The following YJU2B variants were observed in gnomAD, a reference collection of about 807,000 sequenced individuals.
YJU2B encodes probable splicing factor YJU2B.
A neutral mutation model predicts 38.0 loss-of-function variants in YJU2B; 18 were observed. The ratio of observed to expected loss-of-function variants is 0.47; its 90% CI spans 0.33 to 0.70. The LOEUF is 0.70. Ranked by LOEUF, YJU2B falls within the 30% of genes least tolerant of loss-of-function variation. The pLI, the probability that YJU2B is intolerant of heterozygous loss-of-function variation, is 0.02. For missense variants in YJU2B, 538 were observed against 556.3 expected (o/e 0.97, Z 0.33); for synonymous variants, 246 against 225.4 (o/e 1.09, Z -0.82).
At chr19:13,738,829 G>T (rs1244641269) in intron 2 of YJU2B, among the ~76,000 whole-genome samples, 1 of 150,496 alleles carries the variant, frequency 6.6e-6, no homozygotes, top group Non-Finnish European at 1.5e-5. Flanking sequence ...GGCGGAGCTT[G>T]CAGTGAGCCG....
chr19:13,742,781 G>A (rs1280630932), intron 2 of YJU2B, among the ~76,000 whole-genome samples: 2 of 152,196 alleles, frequency 1.3e-5, no homozygotes, highest in African/African-American at 4.8e-5. Flanking sequence ...ATGACATTCT[G>A]TGCCTTTTCA....
At chr19:13,749,186 T>C (rs778073535) in intron 1 of YJU2B, among the ~76,000 whole-genome samples, 3 of 152,168 alleles carry the variant, frequency 2.0e-5, no homozygotes, top group Non-Finnish European at 4.4e-5. Flanking sequence ...GTATTTTTAG[T>C]AGAGACAGGG....
At chr19:13,757,713 T>C (rs1973720691) in intron 5 of YJU2B, 73 bp from the exon 6 acceptor site, 2 of 1,457,628 alleles carry the variant, frequency 1.4e-6, no homozygotes, top group African/African-American at 1.4e-5. Flanking sequence ...GTGAGCCTCT[T>C]TGTACCTCAT....
chr19:13,760,953 G>A (rs1490721218), intron 8 of YJU2B, among the ~76,000 whole-genome samples: 1 of 152,138 alleles, frequency 6.6e-6, no homozygotes, highest in East Asian at 2.0e-4. Flanking sequence ...ATTTTTAGTA[G>A]AGACTGGGTA....
chr19:13,760,267 C>T lies in YJU2B; in HGVS notation c.573+995C>T, dbSNP rs1039726822. 4.6e-5 allele frequency among the ~76,000 whole-genome samples: 7 copies of T among 151,906 alleles called. No individual in the cohort carries two copies. The East Asian group carries it at 7.7e-4, about 17-fold the overall frequency. On this transcript the variant is annotated intron_variant, in intron 8 of 9. Coordinates refer to ENST00000221554, the MANE Select transcript of YJU2B (RefSeq NM_030818.4). ...TTATTTCTCATGGTTCTGGAGTCTGCGAAGTCCAGGATCAAGGCGCTGGCA... is the reference window on the plus strand; with the variant it reads ...TTATTTCTCATGGTTCTGGAGTCTGTGAAGTCCAGGATCAAGGCGCTGGCA...
At chr19:13,744,987 C>T (rs984074573), upstream of YJU2B, among the ~76,000 whole-genome samples, 36 of 121,942 alleles carry the variant, frequency 3.0e-4, no homozygotes, top group Admixed American at 8.9e-4. Context: ...AGCGAGACTC[C>T]GTCTCAAAAA....
In YJU2B at chr19:13,754,358, G is replaced by A. The variant is rs573663025; in HGVS notation, c.57+16G>A. 2.3e-5 allele frequency: 37 copies of A among 1,607,180 alleles called. No individual in the cohort carries two copies. In the East Asian group the frequency reaches 4.9e-4, roughly 21 times the overall value. On this transcript the variant is annotated intron_variant, in intron 3 of 9. Transcript: ENST00000221554. The stretch of plus-strand genomic sequence containing the variant: ...CCCTGAGAAGGTAAGCAGGCTCTCC[G>A]CTCCAGGTCCACAGTAGCAAAAAGA...
upstream of YJU2B, among the ~76,000 whole-genome samples, chr19:13,743,185 G>C (rs929914596): frequency 4.0e-5 from 6 of 151,760 alleles, no homozygotes; most frequent in Non-Finnish European, 8.8e-5. Flanking sequence ...TAAACCAGAA[G>C]CTACAAGCAA....
At chr19:13,735,527 GTGT>G (rs923457006) in intron 2 of YJU2B, among the ~76,000 whole-genome samples, 5 of 150,288 alleles carry the variant, frequency 3.3e-5, no homozygotes, top group African/African-American at 1.2e-4. Context: ...CCCAGTGTCT[GTGT>G]TTTTTTTTTT....
intron 8 of YJU2B, 76 bp downstream of exon 8, chr19:13,759,348 C>A (rs551742961): frequency 2.4e-6 from 3 of 1,236,752 alleles, no homozygotes; most frequent in African/African-American, 3.0e-5. Flanking sequence ...CCCCCCACCA[C>A]ATCCTAGCTT....
At chr19:13,750,973 G>A (rs971111569) in intron 1 of YJU2B, among the ~76,000 whole-genome samples, 1 of 152,094 alleles carries the variant, frequency 6.6e-6, no homozygotes, top group Admixed American at 6.6e-5. Context: ...AGTGTGGCTG[G>A]AACAGAGTGA....
chr19:13,732,764 A>G (rs982769890), intron 2 of YJU2B, among the ~76,000 whole-genome samples: 2 of 148,026 alleles, frequency 1.4e-5, no homozygotes, highest in African/African-American at 5.0e-5. Context: ...ATGCACCACC[A>G]CACTCAGCTA....
At position 13,757,545 on chromosome 19, in the gene YJU2B, G is replaced by C. The variant is rs1050353744; in HGVS notation, c.196+72G>C. The stretch of plus-strand genomic sequence containing the variant: ...CCTAACTGCTGGATGCCGCCGGGGT[G>C]GGGGTGGGAGGGTCCTGATCAGGAA... On this transcript the variant is annotated intron_variant, in intron 5 of 9. Coordinates refer to ENST00000221554, the MANE Select transcript of YJU2B (RefSeq NM_030818.4). 12 of 1,304,500 alleles carry C rather than the reference G, an allele frequency of 9.2e-6. No homozygotes were observed. In the African/African-American group the frequency reaches 1.2e-4, roughly 13 times the overall value. 80.8% of individuals were successfully genotyped at this position (1,304,500 alleles called of 1,614,324 possible).
At chr19:13,748,967 C>G (rs947010905) in intron 1 of YJU2B, among the ~76,000 whole-genome samples, 2 of 152,182 alleles carry the variant, frequency 1.3e-5, no homozygotes, top group African/African-American at 4.8e-5. Context: ...CCTCACTACA[C>G]CACTCCCACT....
At chr19:13,754,190 TA>T in intron 2 of YJU2B, 98 bp from the exon 3 acceptor site, 1 of 924,756 alleles carries the variant, frequency 1.1e-6, no homozygotes, top group Non-Finnish European at 1.8e-6. Flanking sequence ...AATAGTAAAA[TA>T]AAAAATCAGA....
Position 13,762,447 on chromosome 19 carries a change from A to C in YJU2B, c.712+10A>C, listed in dbSNP as rs1165683448. 7 of 1,610,162 alleles carry C rather than the reference A, an allele frequency of 4.3e-6. No homozygotes were observed. Among genetic ancestry groups the C allele is most frequent in the South Asian group, 2.2e-5 (2 of 90,814 alleles). On this transcript the variant is annotated intron_variant, in intron 9 of 9. Coordinates refer to ENST00000221554, the MANE Select transcript of YJU2B (RefSeq NM_030818.4). ...TTCCACACCCTGGACTGTGCGTAGG[A>C]GGCCAGGGGGAAAAGGGGACAGGGA... is the stretch of plus-strand genomic sequence containing the variant.
chr19:13,734,479 A>C (rs1005151010), intron 2 of YJU2B, among the ~76,000 whole-genome samples: 2 of 152,086 alleles, frequency 1.3e-5, no homozygotes, highest in African/African-American at 4.8e-5. Flanking sequence ...TAGTAGAGAC[A>C]GAGTTTCACC....
chr19:13,751,764 C>A lies in YJU2B; in HGVS notation c.-45C>A. ...TGCAGTGTGTTCACAAGGCCAGTTTCTGATCGTCCGCCCCGAGGCTGAGGA... is the reference window on the plus strand; with the variant it reads ...TGCAGTGTGTTCACAAGGCCAGTTTATGATCGTCCGCCCCGAGGCTGAGGA... On this transcript the variant is annotated 5_prime_UTR_variant, in exon 2 of 10. The change creates a new upstream start codon in the 5' untranslated region. Transcript: ENST00000221554. 6.2e-7 allele frequency: 1 copy of A among 1,613,120 alleles called. No homozygotes were observed. Among genetic ancestry groups the A allele is most frequent in the Non-Finnish European group, 8.5e-7 (1 of 1,179,054 alleles).
chr19:13,734,897 C>T (rs1371010799), intron 2 of YJU2B, among the ~76,000 whole-genome samples: 1 of 152,208 alleles, frequency 6.6e-6, no homozygotes, highest in Non-Finnish European at 1.5e-5. Context: ...CAAGCTTCTG[C>T]ACCTGGCTAA....
Sources: allele counts gnomAD v4.1 joint callset (sites outside exome capture counted in the v4.1 genomes callset), GRCh38; gene constraint gnomAD v4.1.1; transcripts MANE v1.5; gene names NCBI Gene and HGNC (gene_info 2026-07-23, HGNC 2026-07-21).